OTOG: variants seen among roughly 807,000 people sequenced by gnomAD.
OTOG encodes otogelin.
A neutral mutation model predicts 313.8 loss-of-function variants in OTOG; 296 were observed. That is an observed-to-expected ratio of 0.94 (90% CI 0.86 to 1.04). The LOEUF is 1.04. OTOG is among the 50% of genes least tolerant of loss of function. OTOG has a pLI of 0.00. For missense variants in OTOG, 3,948 were observed against 3,840.1 expected, an observed-to-expected ratio of 1.03 and a Z score of -0.74; for synonymous variants, 1,533 against 1,554.9, an observed-to-expected ratio of 0.99 and a Z score of 0.33.
At chr11:17,612,130 G>T in intron 36 of OTOG, 32 bp from the exon 37 acceptor site, 1 of 1,547,780 alleles carries the variant, frequency 6.5e-7, no homozygotes, top group Non-Finnish European at 8.7e-7. Flanking sequence ...GCTCCTTGAT[G>T]GTCACTCACA....
Position 17,633,737 on chromosome 11 carries a change from C to A in OTOG, c.7130C>A (p.Pro2377His), listed in dbSNP as rs1280909836. Residue 2377 changes from proline (P) to histidine (H), a missense_variant, in exon 43 of 56, where the codon CCC (proline) becomes CAC (histidine). Physicochemically the swap from Pro to His is moderately conservative, Grantham distance 77. Coordinates refer to ENST00000399397, the MANE Select transcript of OTOG (RefSeq NM_001292063.2). ...GCATGTGTGACAGCCTGTGAGCCAC[C>A]CAAGACATGCCAGGATGGGATACTA... ...YQACVTACEPPKTCQDGILGP... is the reference protein window; with the variant it reads ...YQACVTACEPHKTCQDGILGP... The A allele has an allele frequency of 6.5e-7, 1 of 1,550,324 alleles. No individual in the cohort carries two copies. Among genetic ancestry groups the A allele is most frequent in the Non-Finnish European group, 8.7e-7 (1 of 1,146,892 alleles).
intron 38 of OTOG, among the ~76,000 whole-genome samples, chr11:17,613,170 T>TTTTCTTTCTTTCTTTCTTTCTTTCTTTTC (rs1269652105): frequency 2.4e-5 from 3 of 125,574 alleles, no homozygotes; most frequent in African/African-American, 6.5e-5. Flanking sequence ...CTCTTCTCCC[T>TTTTCTTTCTTTCTTTCTTTCTTTCTTTTC]TTTCTTTCTT....
At chr11:17,635,255 C>T (rs1343409385) in intron 46 of OTOG, 68 bp downstream of exon 46, 2 of 1,296,128 alleles carry the variant, frequency 1.5e-6, no homozygotes, top group Non-Finnish European at 2.1e-6. Context: ...ACCCCTGTGT[C>T]CTTGGGCAGC....
intron 47 of OTOG, among the ~76,000 whole-genome samples, chr11:17,636,028 T>C (rs1854257899): frequency 3.3e-5 from 5 of 152,212 alleles, no homozygotes; most frequent in Admixed American, 1.3e-4. Flanking sequence ...CCTCATTCCC[T>C]GACTGACCCA....
At chr11:17,576,157 T>A (rs1297280229) in intron 20 of OTOG, among the ~76,000 whole-genome samples, 2 of 152,356 alleles carry the variant, frequency 1.3e-5, no homozygotes, top group South Asian at 4.1e-4. Flanking sequence ...GAATAGATGC[T>A]GGGCGTGAGT....
intron 16 of OTOG, 142 bp downstream of exon 16, chr11:17,569,430 G>A (rs1378079379): frequency 8.1e-7 from 1 of 1,228,298 alleles, no homozygotes; most frequent in African/African-American, 1.5e-5. Context: ...GGGACACTTT[G>A]GTTGCAAAAA....
chr11:17,623,706 C>G (rs1487430871), intron 39 of OTOG, among the ~76,000 whole-genome samples: 3 of 152,084 alleles, frequency 2.0e-5, no homozygotes, highest in Non-Finnish European at 4.4e-5. Flanking sequence ...GTTTTTAGGT[C>G]TTTGAGGAAT....
intron 25 of OTOG, among the ~76,000 whole-genome samples, 196 bp downstream of exon 25, chr11:17,591,784 C>T (rs1039431231): frequency 1.3e-5 from 2 of 152,180 alleles, no homozygotes; most frequent in African/African-American, 4.8e-5. Context: ...AGATACCACA[C>T]TGCCTGTCTG....
At chr11:17,632,886 G>A (rs1854164561) in intron 42 of OTOG, among the ~76,000 whole-genome samples, 1 of 152,182 alleles carries the variant, frequency 6.6e-6, no homozygotes, top group African/African-American at 2.4e-5. Context: ...GTCCTCTTGG[G>A]TCGTGTTCTT....
chr11:17,566,203 G>T (rs553641958), intron 15 of OTOG, among the ~76,000 whole-genome samples: 34 of 152,134 alleles, frequency 2.2e-4, no homozygotes, highest in African/African-American at 7.7e-4. Flanking sequence ...TATAGTATTT[G>T]CATATAACCT....
chr11:17,645,098 C>A (rs1848046886), intron 54 of OTOG, among the ~76,000 whole-genome samples: 1 of 152,182 alleles, frequency 6.6e-6, no homozygotes, highest in African/African-American at 2.4e-5. Context: ...CAAAGCATCC[C>A]ATTAGAATGA....
At chr11:17,558,919 C>T (rs1852115098) in intron 10 of OTOG, 133 bp from the exon 11 acceptor site, 1 of 781,062 alleles carries the variant, frequency 1.3e-6, no homozygotes, top group Admixed American at 2.0e-5. Flanking sequence ...CACCTAGATG[C>T]CTTCCTGGGC....
intron 17 of OTOG, chr11:17,570,637 A>G (rs936944885): frequency 6.2e-5 from 24 of 384,614 alleles, no homozygotes; most frequent in Non-Finnish European, 1.0e-4. Flanking sequence ...GCTCCCCAGG[A>G]TTTAGGGTGG....
intron 36 of OTOG, among the ~76,000 whole-genome samples, 159 bp from the exon 37 acceptor site, chr11:17,612,003 C>A (rs1853563644): frequency 2.0e-5 from 3 of 152,114 alleles, no homozygotes; most frequent in Admixed American, 1.3e-4. Context: ...CGCCAGGCCC[C>A]ACATGGCTTG....
intron 29 of OTOG, 74 bp from the exon 30 acceptor site, chr11:17,596,777 C>T (rs762894513): frequency 2.7e-5 from 36 of 1,356,236 alleles, no homozygotes; most frequent in South Asian, 1.6e-4. Flanking sequence ...TGGTGCTGGT[C>T]GTCATCAGCT....
intron 46 of OTOG, 124 bp downstream of exon 46, chr11:17,635,311 A>T: frequency 1.3e-6 from 1 of 749,200 alleles, no homozygotes; most frequent in Non-Finnish European, 2.1e-6. Context: ...GCAAAGGGAG[A>T]AGGACAAGCT....
intron 44 of OTOG, 141 bp downstream of exon 44, chr11:17,634,422 A>T: frequency 1.1e-6 from 1 of 943,338 alleles, no homozygotes; most frequent in Non-Finnish European, 1.6e-6. Context: ...AGGAGGGGAG[A>T]ACCCTCCCTG....
intron 4 of OTOG, 118 bp from the exon 5 acceptor site, chr11:17,553,001 G>A: frequency 1.1e-6 from 1 of 881,012 alleles, no homozygotes; most frequent in Non-Finnish European, 1.8e-6. Flanking sequence ...GCTGAGGAAT[G>A]TTGGGGCTGG....
At chr11:17,558,805 T>C (rs1289337688) in intron 10 of OTOG, among the ~76,000 whole-genome samples, 161 bp downstream of exon 10, 2 of 152,180 alleles carry the variant, frequency 1.3e-5, no homozygotes, top group East Asian at 3.9e-4. Flanking sequence ...CCCATTCAAC[T>C]GAGGCTTGGA....
Sources: allele counts gnomAD v4.1 joint callset (sites outside exome capture counted in the v4.1 genomes callset), GRCh38; gene constraint gnomAD v4.1.1; transcripts MANE v1.5; gene names NCBI Gene and HGNC (gene_info 2026-07-23, HGNC 2026-07-21).